LRRCC1: variants seen among roughly 807,000 people sequenced by gnomAD.
LRRCC1 encodes the protein leucine rich repeat and coiled-coil centrosomal protein 1, also known as leucine-rich repeat and coiled-coil domain-containing protein 1.
LRRCC1 carries 115 observed loss-of-function variants against 126.0 expected under a neutral mutation model. The observed-to-expected ratio is 0.91, with a 90% CI of 0.78 to 1.07. LRRCC1 has a LOEUF of 1.07. Among genes scored for constraint, LRRCC1 ranks in the 50% least tolerant of loss-of-function variants. LRRCC1 has a pLI of 0.00. For synonymous variants in LRRCC1, 400 were observed against 393.4 expected (o/e 1.02, Z -0.20); for missense variants, 1,172 against 1,175.7 (o/e 1.00, Z 0.05).
At chr8:85,110,227 A>T (rs755457922) in intron 3 of LRRCC1, 47 bp downstream of exon 3, 2 of 808,264 alleles carry the variant, frequency 2.5e-6, no homozygotes, top group African/African-American at 3.6e-5. Flanking sequence ...GTTGTGCCAC[A>T]TGTGATAAGT....
In LRRCC1 at chr8:85,123,506, G is replaced by A; in HGVS notation, c.1024G>A (p.Glu342Lys). Reference protein sequence around the residue: ...TSESDYGNRKECNRKVPRRSK... With the variant: ...TSESDYGNRKKCNRKVPRRSK... The stretch of plus-strand genomic sequence containing the variant: ...TGAAAGTGACTATGGAAACAGAAAA[G>A]AATGCAATAGAAAAGTTCCTCGAAG... The change falls in exon 7 of 19, where the codon GAA becomes AAA. Residue 342 changes from glutamate (E) to lysine (K), a missense_variant. Coordinates refer to ENST00000360375, the MANE Select transcript of LRRCC1 (RefSeq NM_033402.5). 6.2e-7 allele frequency: 1 copy of A among 1,611,218 alleles called. No homozygotes were observed. Among genetic ancestry groups the A allele is most frequent in the Non-Finnish European group, 8.5e-7 (1 of 1,178,762 alleles).
In LRRCC1 at chr8:85,145,580, T is replaced by A. The variant is rs1465068206; in HGVS notation, c.*69T>A. 3 of 1,280,320 alleles carry A rather than the reference T, an allele frequency of 2.3e-6. No homozygotes were observed. The highest frequency in any genetic ancestry group is 3.1e-5 in the African/African-American group (2 of 64,800). 79.3% of individuals were successfully genotyped at this position (1,280,320 alleles called of 1,614,324 possible). A position where few individuals can be genotyped will look rare whatever the true frequency, so the allele number is the denominator to read the frequency against. ...TTGTAAAAATGATTAAATATTGTAA[T>A]AGTAGTAACTGCTATGACTTTGAAA... On this transcript the variant is annotated 3_prime_UTR_variant, in exon 19 of 19. Transcript: ENST00000360375.
At chr8:85,131,456 G>C (rs1275947489) in intron 11 of LRRCC1, among the ~76,000 whole-genome samples, 1 of 152,156 alleles carries the variant, frequency 6.6e-6, no homozygotes, top group Non-Finnish European at 1.5e-5. Context: ...CAAAGTAGTA[G>C]ATACAGTGAA....
chr8:85,118,181 A>G (rs1328377665), intron 6 of LRRCC1, among the ~76,000 whole-genome samples: 2 of 152,068 alleles, frequency 1.3e-5, no homozygotes, highest in Non-Finnish European at 2.9e-5. Flanking sequence ...CCTTGTAAAA[A>G]TTAATCCATG....
Position 85,109,752 on chromosome 8 carries a change from A to G in LRRCC1, c.262A>G (p.Lys88Glu), listed in dbSNP as rs747595699. 1 of 1,599,340 alleles carries G rather than the reference A, an allele frequency of 6.3e-7. No individual in the cohort carries two copies. The highest frequency in any genetic ancestry group is 1.1e-5 in the South Asian group (1 of 88,832). ...AATTGAAGGACTAAACACACTGACA[A>G]AACTGTGCACATTAAATTTGTCCTG... is the stretch of plus-strand genomic sequence containing the variant. ...SRIEGLNTLT[K>E]LCTLNLSCNL... Residue 88 changes from lysine (K) to glutamate (E), a missense_variant, in exon 2 of 19, where the codon AAA becomes GAA. Transcript: ENST00000360375.
At position 85,121,422 on chromosome 8, in the gene LRRCC1, T is replaced by TTTTTG. The variant is rs539081432; in HGVS notation, c.931-1961_931-1957dup. On this transcript the variant is annotated intron_variant, in intron 6 of 18. Transcript: ENST00000360375. ...TAGAATTCAGTTTTTTTTGTTTTGTTTTTTGTTTTGTTTTGTTTTGTTTTG... is the reference window on the plus strand; with the variant it reads ...TAGAATTCAGTTTTTTTTGTTTTGTTTTTTGTTTTGTTTTGTTTTGTTTTGTTTTG... Among the ~76,000 whole-genome samples, 328 of 152,060 alleles carry TTTTTG rather than the reference T, an allele frequency of 2.2e-3. 2 individuals are homozygous for TTTTTG. Among genetic ancestry groups the TTTTTG allele is most frequent in the African/African-American group, 4.7e-3 (194 of 41,466 alleles).
At position 85,134,904 on chromosome 8, in the gene LRRCC1, A is replaced by G; in HGVS notation, c.2026A>G (p.Ile676Val). ...TELAKSKHAL[I>V]WAQRKENESS... ...GTTAGCAAAGAGCAAACATGCTCTT[A>G]TTTGGGCTCAACGAAAAGAAAATGA... The change falls in exon 13 of 19, where the codon ATT becomes GTT. Residue 676 changes from isoleucine to valine, a missense_variant. Physicochemically the swap from Ile to Val is conservative, Grantham distance 29 (BLOSUM62 3). Transcript: ENST00000360375. 1 of 1,598,172 alleles carries G rather than the reference A, an allele frequency of 6.3e-7. No homozygotes were observed. The highest frequency in any genetic ancestry group is 2.3e-5 in the East Asian group (1 of 44,050).
chr8:85,112,091 G>A (rs542270240), intron 3 of LRRCC1, among the ~76,000 whole-genome samples: 6 of 152,018 alleles, frequency 3.9e-5, no homozygotes, highest in Admixed American at 2.0e-4. Flanking sequence ...TGAACTCCTG[G>A]CCTCAAGTGA....
intron 9 of LRRCC1, among the ~76,000 whole-genome samples, chr8:85,128,604 C>A (rs990487796): frequency 1.3e-5 from 2 of 151,966 alleles, no homozygotes. Flanking sequence ...CTTTATTATC[C>A]AAACCTCCTT....
In LRRCC1 at chr8:85,109,680, A is replaced by G. The variant is rs766219028; in HGVS notation, c.190A>G (p.Ile64Val). 7 of 1,609,972 alleles carry G rather than the reference A, an allele frequency of 4.3e-6. No individual in the cohort carries two copies. The East Asian group carries it at 1.3e-4, about 31-fold the overall frequency. The change falls in exon 2 of 19, where the codon ATT becomes GTT. Residue 64 changes from isoleucine to valine, a missense_variant. Coordinates refer to ENST00000360375, the MANE Select transcript of LRRCC1 (RefSeq NM_033402.5). ...NISKIEAIDHIWNLQHLDLSS... is the reference protein window; with the variant it reads ...NISKIEAIDHVWNLQHLDLSS... ...CTCCAAGATCGAAGCCATTGATCATATTTGGAATTTACAACATCTAGATCT... is the reference window on the plus strand; with the variant it reads ...CTCCAAGATCGAAGCCATTGATCATGTTTGGAATTTACAACATCTAGATCT...
chr8:85,109,433 G>C, intron 1 of LRRCC1, 162 bp from the exon 2 acceptor site: 1 of 579,440 alleles, frequency 1.7e-6, no homozygotes. Flanking sequence ...GTTGTAAGAA[G>C]CACCGTGTTT....
chr8:85,114,705 C>T (rs1425534793), intron 4 of LRRCC1, among the ~76,000 whole-genome samples: 2 of 152,060 alleles, frequency 1.3e-5, no homozygotes, highest in Non-Finnish European at 2.9e-5. Flanking sequence ...TGGTCATTAT[C>T]CACATCATCC....
intron 18 of LRRCC1, among the ~76,000 whole-genome samples, chr8:85,142,839 A>AC (rs1174937787): frequency 2.3e-5 from 2 of 85,620 alleles, no homozygotes; most frequent in Non-Finnish European, 5.2e-5. Context: ...CTCAAAAAAA[A>AC]AAAAAAAAGA....
rs1323025381 is a variant in LRRCC1, at chr8:85,129,327, A to G, written c.1574A>G (p.Glu525Gly). 1 of 1,612,854 alleles carries G rather than the reference A, an allele frequency of 6.2e-7. No homozygotes were observed. Among genetic ancestry groups the G allele is most frequent in the Non-Finnish European group, 8.5e-7 (1 of 1,179,772 alleles). Residue 525 changes from glutamate to glycine, a missense_variant, in exon 10 of 19, where the codon GAA becomes GGA. Glu to Gly is a moderately conservative substitution (Grantham distance 98, BLOSUM62 -2). Transcript: ENST00000360375. ...EDHLKHLRTLEKTLEKMERQK... is the reference protein window; with the variant it reads ...EDHLKHLRTLGKTLEKMERQK... Reference sequence around the variant, plus strand: ...CACCTTAAACACTTAAGAACCCTCGAAAAAACATTAGAAAAAATGGAGAGA... The same window carrying G: ...CACCTTAAACACTTAAGAACCCTCGGAAAAACATTAGAAAAAATGGAGAGA...
At chr8:85,110,344 C>A (rs192840362) in intron 3 of LRRCC1, among the ~76,000 whole-genome samples, 164 bp downstream of exon 3, 4 of 152,064 alleles carry the variant, frequency 2.6e-5, no homozygotes, top group Non-Finnish European at 4.4e-5. Context: ...TTTGTTGGTA[C>A]CAAAACCACA....
chr8:85,121,299 A>AC (rs1400355709), intron 6 of LRRCC1, among the ~76,000 whole-genome samples: 33 of 152,262 alleles, frequency 2.2e-4, no homozygotes, highest in African/African-American at 7.2e-4. Context: ...ATTATTAATG[A>AC]AGTTGGATTA....
At position 85,130,064 on chromosome 8, in the gene LRRCC1, T is replaced by C. The variant is rs1308727069; in HGVS notation, c.1766+6T>C. 1 of 1,556,692 alleles carries C rather than the reference T, an allele frequency of 6.4e-7. No individual in the cohort carries two copies. The highest frequency in any genetic ancestry group is 1.4e-5 in the African/African-American group (1 of 70,074). ...TTGAAAGAACAGGAACACAGGTAAA[T>C]GAAAAATGTATCAGGAATGTATTGG... On this transcript the variant is annotated splice_donor_region_variant and intron_variant, in intron 11 of 18. Coordinates refer to ENST00000360375, the MANE Select transcript of LRRCC1 (RefSeq NM_033402.5).
chr8:85,130,289 C>G (rs1460626701), intron 11 of LRRCC1, among the ~76,000 whole-genome samples: 2 of 151,846 alleles, frequency 1.3e-5, no homozygotes, highest in African/African-American at 2.4e-5. Flanking sequence ...GCGCCCGCCA[C>G]CATGCTGGCT....
chr8:85,126,160 G>C (rs917909784), intron 8 of LRRCC1, among the ~76,000 whole-genome samples: 2 of 152,052 alleles, frequency 1.3e-5, no homozygotes, highest in Non-Finnish European at 2.9e-5. Flanking sequence ...TTTCAAAAAA[G>C]GAATCTTATC....
Sources: allele counts gnomAD v4.1 joint callset (sites outside exome capture counted in the v4.1 genomes callset), GRCh38; gene constraint gnomAD v4.1.1; transcripts MANE v1.5; gene names NCBI Gene and HGNC (gene_info 2026-07-23, HGNC 2026-07-21).